Variants in AFAP1L2 observed in about 807,000 individuals in gnomAD.
The protein encoded by AFAP1L2 is actin filament-associated protein 1-like 2.
AFAP1L2 carries 46 observed loss-of-function variants against 99.3 expected under a neutral mutation model. The observed-to-expected ratio is 0.46, with a 90% CI of 0.37 to 0.59. The LOEUF (loss-of-function observed/expected upper bound fraction) is 0.59. AFAP1L2 is among the 20% of genes least tolerant of loss of function. The pLI is 0.00. For synonymous variants in AFAP1L2, 397 were observed against 419.1 expected (o/e 0.95, Z 0.64); for missense variants, 959 against 1,034.9 (o/e 0.93, Z 1.01).
rs117723702 is a variant in AFAP1L2, at chr10:114,374,216, C to T, written c.16+30224G>A. 9.7e-3 allele frequency among the ~76,000 whole-genome samples: 1,479 copies of T among 152,280 alleles called. 12 individuals are homozygous for T. The highest frequency in any genetic ancestry group is 0.041 in the Middle Eastern group (12 of 294). On this transcript the variant is annotated intron_variant, in intron 1 of 18. Coordinates refer to ENST00000304129, the MANE Select transcript of AFAP1L2 (RefSeq NM_001001936.3). ...CTTAAATCTCCCAGGCAACGCGACC[C>T]CAAACATCCCAGCTAAAATTACAGA...
At chr10:114,390,813 C>T (rs960606300) in intron 1 of AFAP1L2, among the ~76,000 whole-genome samples, 15 of 151,990 alleles carry the variant, frequency 9.9e-5, no homozygotes, top group African/African-American at 4.8e-5. Context: ...TTGAACCCAG[C>T]GTCCCTGGGA....
chr10:114,295,170 CTATT>C lies in AFAP1L2; in HGVS notation c.*868_*871del, dbSNP rs1190616191. The C allele has an allele frequency of 4.4e-5, 43 of 985,570 alleles. 1 individual carries two copies. The South Asian group carries it at 1.2e-3, about 28-fold the overall frequency. The allele number at this position is 985,570 out of a possible 1,614,324, so 61.1% of individuals were successfully genotyped here. A position where few individuals can be genotyped will look rare whatever the true frequency, so the allele number is the denominator to read the frequency against. ...ATTAAACAGAACTTAAAATCAGAGA[CTATT>C]TATATTAAATAACTCTTCCCTTAAA... On this transcript the variant is annotated 3_prime_UTR_variant, in exon 19 of 19. Coordinates refer to ENST00000304129, the MANE Select transcript of AFAP1L2 (RefSeq NM_001001936.3).
intron 7 of AFAP1L2, among the ~76,000 whole-genome samples, chr10:114,313,141 G>A (rs2043526406): frequency 2.0e-5 from 3 of 151,968 alleles, no homozygotes; most frequent in Admixed American, 1.3e-4. Context: ...GAGGGGAGGG[G>A]CAGCAGGAAG....
At chr10:114,383,358 G>C (rs2055982839) in intron 1 of AFAP1L2, among the ~76,000 whole-genome samples, 1 of 151,976 alleles carries the variant, frequency 6.6e-6, no homozygotes, top group Non-Finnish European at 1.5e-5. Flanking sequence ...AAAGATGGAA[G>C]GGAGGGAACA....
chr10:114,329,675 G>A (rs2046955905), intron 4 of AFAP1L2, among the ~76,000 whole-genome samples: 1 of 152,246 alleles, frequency 6.6e-6, no homozygotes, highest in Non-Finnish European at 1.5e-5. Context: ...GGACAGCAGA[G>A]GGGCTGTGCT....
At position 114,333,180 on chromosome 10, in the gene AFAP1L2, G is replaced by A. The variant is rs752239467; in HGVS notation, c.220+41C>T. The A allele has an allele frequency of 2.7e-5, 42 of 1,560,640 alleles. No individual in the cohort carries two copies. In the South Asian group the frequency reaches 4.3e-4, roughly 16 times the overall value. ...CAGCTTGGACCTTCCCCCATCCCAG[G>A]AGTGGCCATCATACCAGCGTCAGTG... is the stretch of plus-strand genomic sequence containing the variant. On this transcript the variant is annotated intron_variant, in intron 3 of 18. Transcript: ENST00000304129.
intron 1 of AFAP1L2, 21 bp from the exon 2 acceptor site, chr10:114,340,752 A>G: frequency 6.2e-7 from 1 of 1,614,104 alleles, no homozygotes; most frequent in Non-Finnish European, 8.5e-7. Context: ...GAAACAGAAG[A>G]AACTTATAGT....
intron 1 of AFAP1L2, among the ~76,000 whole-genome samples, chr10:114,350,185 A>G (rs980860391): frequency 9.2e-5 from 14 of 152,204 alleles, no homozygotes; most frequent in Non-Finnish European, 5.9e-5. Context: ...ACAGCTGAAG[A>G]CATGAAACCA....
At chr10:114,286,662 T>A in the AFAP1L2 span, 1 of 686,326 alleles carries the variant, frequency 1.5e-6, no homozygotes, top group Admixed American at 3.2e-5. Flanking sequence ...CATAAATAAT[T>A]TTCAGTTTAC....
chr10:114,387,123 A>C (rs1247652040), intron 1 of AFAP1L2, among the ~76,000 whole-genome samples: 1 of 152,258 alleles, frequency 6.6e-6, no homozygotes, highest in Non-Finnish European at 1.5e-5. Context: ...AGTCAGGAGC[A>C]AATTAGCAAT....
downstream of AFAP1L2, chr10:114,289,999 A>G (rs2039404199): frequency 8.0e-6 from 3 of 376,848 alleles, no homozygotes; most frequent in Admixed American, 4.2e-5. Flanking sequence ...CCTCAAAAAA[A>G]AAAAAAAAAA....
the AFAP1L2 span, among the ~76,000 whole-genome samples, chr10:114,285,263 C>T: frequency 1.3e-5 from 2 of 152,184 alleles, no homozygotes; most frequent in African/African-American, 4.8e-5. Context: ...AGGAGTCCAC[C>T]CAACTCTGGC....
At chr10:114,282,639 CT>C in the AFAP1L2 span, 1 of 1,399,882 alleles carries the variant, frequency 7.1e-7, no homozygotes, top group East Asian at 2.3e-5. Context: ...TGTAAAGTGG[CT>C]TTTACAATCC....
intron 2 of AFAP1L2, among the ~76,000 whole-genome samples, chr10:114,340,357 G>A (rs1383893197): frequency 6.6e-6 from 1 of 152,130 alleles, no homozygotes; most frequent in Non-Finnish European, 1.5e-5. Flanking sequence ...CTGGGACACA[G>A]ACACAGAGAA....
intron 1 of AFAP1L2, among the ~76,000 whole-genome samples, chr10:114,387,436 A>C (rs1397407588): frequency 6.6e-6 from 1 of 152,218 alleles, no homozygotes; most frequent in Non-Finnish European, 1.5e-5. Context: ...TAATGGCAGC[A>C]TTACTAAAAG....
intron 1 of AFAP1L2, among the ~76,000 whole-genome samples, chr10:114,358,778 G>T (rs368335777): frequency 6.6e-6 from 1 of 152,094 alleles, no homozygotes; most frequent in Non-Finnish European, 1.5e-5. Context: ...AGCCGGGCGT[G>T]GTGGCAGATA....
At position 114,398,514 on chromosome 10, in the gene AFAP1L2, C is replaced by T. The variant is rs996435308; in HGVS notation, c.16+5926G>A. On this transcript the variant is annotated intron_variant, in intron 1 of 18. Transcript: ENST00000304129. ...AGGTTTCAGGGTATCTGCTCCCCTG[C>T]GTTAATTTAACATTCTCTTTCTCAA... Among the ~76,000 whole-genome samples, 4 of 152,236 alleles carry T rather than the reference C, an allele frequency of 2.6e-5. No individual in the cohort carries two copies. The East Asian group carries it at 5.8e-4, about 22-fold the overall frequency.
chr10:114,376,784 A>C (rs1226935363), intron 1 of AFAP1L2, among the ~76,000 whole-genome samples: 1 of 152,198 alleles, frequency 6.6e-6, no homozygotes, highest in Non-Finnish European at 1.5e-5. Flanking sequence ...TTTCAACACT[A>C]TCCAAGGGAT....
chr10:114,301,435 G>A lies in AFAP1L2; in HGVS notation c.1461C>T (p.Asn487=). ...GGCTAGGCAGGCCATCGATGTAAGT[G>A]TTGGGCTCTGAGAACTTTCTCTGCA... ...LLMQRKFSEP[N]TYIDGLPSQD... is the part of the protein sequence containing the mutation. The change falls in exon 13 of 19, where the codon AAC becomes AAT. Residue 487 remains asparagine, a synonymous_variant. Transcript: ENST00000304129. 6.2e-7 allele frequency: 1 copy of A among 1,614,182 alleles called. No individual in the cohort carries two copies. The highest frequency in any genetic ancestry group is 8.5e-7 in the Non-Finnish European group (1 of 1,179,974).
Sources: allele counts gnomAD v4.1 joint callset (sites outside exome capture counted in the v4.1 genomes callset), GRCh38; gene constraint gnomAD v4.1.1; transcripts MANE v1.5; gene names NCBI Gene and HGNC (gene_info 2026-07-23, HGNC 2026-07-21).